Variants in SSBP2 observed in about 807,000 individuals in gnomAD.
SSBP2 encodes single stranded DNA binding protein 2.
Under a neutral mutation model 61.8 loss-of-function variants are expected in SSBP2, and 17 were observed. That is an observed-to-expected ratio of 0.28 (90% confidence interval 0.19 to 0.41). The LOEUF (loss-of-function observed/expected upper bound fraction) is 0.41, where lower values mean the gene tolerates loss of function less well. Ranked by LOEUF, SSBP2 falls within the 10% of genes least tolerant of loss-of-function variation. The pLI, the probability that SSBP2 is intolerant of heterozygous loss-of-function variation, is 1.00. For synonymous variants in SSBP2, 139 were observed against 141.3 expected (o/e 0.98, Z 0.12); for missense variants, 310 against 458.7 (o/e 0.68, Z 2.96).
chr5:81,461,173 C>A, intron 9 of SSBP2, 70 bp from the exon 10 acceptor site: 1 of 1,218,000 alleles, frequency 8.2e-7, no homozygotes, highest in South Asian at 1.5e-5. Context: ...AATGACAAAT[C>A]ATAAAATATA....
intron 1 of SSBP2, among the ~76,000 whole-genome samples, chr5:81,693,855 T>C (rs917823319): frequency 6.6e-6 from 1 of 152,072 alleles, no homozygotes; most frequent in Non-Finnish European, 1.5e-5. Context: ...AGAAAATCAG[T>C]ATATTGAAGA....
At chr5:81,660,594 T>C (rs1750598777) in intron 1 of SSBP2, among the ~76,000 whole-genome samples, 1 of 152,172 alleles carries the variant, frequency 6.6e-6, no homozygotes, top group Non-Finnish European at 1.5e-5. Flanking sequence ...TGGAAGACAG[T>C]GTGGCAATTC....
rs1761478078 is a variant in SSBP2 at position 81,419,635 on chromosome 5, C to T, written c.*869G>A. Reference sequence around the variant, plus strand: ...GATGTTGCTAAATATATGACAACCCCGGTCACTTTATTGCTATGGTCTAAA... The same window carrying T: ...GATGTTGCTAAATATATGACAACCCTGGTCACTTTATTGCTATGGTCTAAA... On this transcript the variant is annotated 3_prime_UTR_variant, in exon 17 of 17. Coordinates refer to ENST00000320672, the MANE Select transcript of SSBP2 (RefSeq NM_012446.5). 1 of 152,194 alleles carries T rather than the reference C, an allele frequency of 6.6e-6. No individual in the cohort carries two copies. The highest frequency in any genetic ancestry group is 2.1e-4 in the South Asian group (1 of 4,818). 9.4% of individuals were successfully genotyped at this position (152,194 alleles called of 1,614,324 possible).
At chr5:81,688,429 A>AGGT in intron 1 of SSBP2, among the ~76,000 whole-genome samples, 1 of 152,228 alleles carries the variant, frequency 6.6e-6, no homozygotes, top group South Asian at 2.1e-4. Context: ...GAGCAACCAT[A>AGGT]GGTGGTAGCC....
chr5:81,732,033 T>C (rs1018661569), intron 1 of SSBP2, among the ~76,000 whole-genome samples: 1 of 152,106 alleles, frequency 6.6e-6, no homozygotes, highest in Non-Finnish European at 1.5e-5. Context: ...AAATCGAGGT[T>C]ACCTCTAATA....
intron 4 of SSBP2, among the ~76,000 whole-genome samples, chr5:81,556,271 G>C (rs563822003): frequency 9.3e-4 from 141 of 152,128 alleles, no homozygotes; most frequent in African/African-American, 3.1e-3. Context: ...AGTGGTCGTT[G>C]CCAATGTGAA....
chr5:81,583,989 T>C (rs1328034394), intron 4 of SSBP2, among the ~76,000 whole-genome samples: 1 of 152,252 alleles, frequency 6.6e-6, no homozygotes, highest in Non-Finnish European at 1.5e-5. Context: ...AGTTTCTGTA[T>C]TCAAAAACTA....
intron 3 of SSBP2, among the ~76,000 whole-genome samples, chr5:81,622,206 G>C (rs939755093): frequency 1.3e-5 from 2 of 151,662 alleles, no homozygotes; most frequent in African/African-American, 2.4e-5. Flanking sequence ...GACTGGGGGG[G>C]AAAAATTATG....
intron 4 of SSBP2, among the ~76,000 whole-genome samples, chr5:81,560,856 G>C (rs1772990393): frequency 6.6e-6 from 1 of 151,984 alleles, no homozygotes; most frequent in African/African-American, 2.4e-5. Flanking sequence ...TACACATTGT[G>C]GTGAGAAATT....
At chr5:81,456,720 G>C (rs1764176310) in intron 10 of SSBP2, among the ~76,000 whole-genome samples, 1 of 152,132 alleles carries the variant, frequency 6.6e-6, no homozygotes, top group African/African-American at 2.4e-5. Flanking sequence ...CTTTTATTTG[G>C]AATTAAAAAT....
At chr5:81,721,071 A>T (rs1353176453) in intron 1 of SSBP2, among the ~76,000 whole-genome samples, 1 of 152,200 alleles carries the variant, frequency 6.6e-6, no homozygotes, top group Non-Finnish European at 1.5e-5. Context: ...AAAGATATAC[A>T]GATTTTCAGG....
chr5:81,544,636 A>C (rs977367773), intron 4 of SSBP2, among the ~76,000 whole-genome samples: 2 of 152,220 alleles, frequency 1.3e-5, no homozygotes, highest in African/African-American at 4.8e-5. Flanking sequence ...CAAAACTAAG[A>C]GTAAATGTGC....
chr5:81,577,682 A>G (rs1410195286), intron 4 of SSBP2, among the ~76,000 whole-genome samples: 1 of 151,938 alleles, frequency 6.6e-6, no homozygotes, highest in East Asian at 1.9e-4. Flanking sequence ...ACTCATTTCT[A>G]TTTTCCCATA....
At chr5:81,614,538 T>A (rs1223389501) in intron 4 of SSBP2, among the ~76,000 whole-genome samples, 3 of 152,098 alleles carry the variant, frequency 2.0e-5, no homozygotes, top group African/African-American at 7.2e-5. Flanking sequence ...AGGTCTTTTT[T>A]CCCTTTTGAG....
intron 8 of SSBP2, among the ~76,000 whole-genome samples, chr5:81,470,755 C>T (rs1201382539): frequency 6.6e-6 from 1 of 151,818 alleles, no homozygotes; most frequent in East Asian, 1.9e-4. Context: ...AAAAATAAGG[C>T]AGATATCTTC....
chr5:81,568,992 AT>A (rs1409207083), intron 4 of SSBP2, among the ~76,000 whole-genome samples: 1 of 152,156 alleles, frequency 6.6e-6, no homozygotes, highest in Non-Finnish European at 1.5e-5. Flanking sequence ...CAACGTCTTG[AT>A]GAAATATCAA....
chr5:81,430,332 T>C (rs971176858), intron 15 of SSBP2, among the ~76,000 whole-genome samples: 2 of 152,126 alleles, frequency 1.3e-5, no homozygotes, highest in Admixed American at 6.5e-5. Context: ...TATACACACA[T>C]ATATAAGAAA....
intron 1 of SSBP2, among the ~76,000 whole-genome samples, chr5:81,684,930 A>G (rs1397015549): frequency 6.6e-6 from 1 of 151,916 alleles, no homozygotes; most frequent in Non-Finnish European, 1.5e-5. Flanking sequence ...TATGGTTTGG[A>G]TTTGTGTCCC....
chr5:81,465,707 C>A (rs1318927124), intron 9 of SSBP2, among the ~76,000 whole-genome samples: 3 of 151,940 alleles, frequency 2.0e-5, no homozygotes, highest in Admixed American at 2.0e-4. Context: ...TTATATACAT[C>A]TCCATCCTAT....
Sources: allele counts gnomAD v4.1 joint callset (sites outside exome capture counted in the v4.1 genomes callset), GRCh38; gene constraint gnomAD v4.1.1; transcripts MANE v1.5; gene names NCBI Gene and HGNC (gene_info 2026-07-23, HGNC 2026-07-21).